Variants in KCNG3 observed in about 807,000 individuals in gnomAD.
The protein encoded by KCNG3 is potassium voltage-gated channel modifier subfamily G member 3.
KCNG3 carries 15 observed loss-of-function variants against 29.0 expected under a neutral mutation model. The observed-to-expected ratio is 0.52, with a 90% CI of 0.35 to 0.80. The LOEUF (loss-of-function observed/expected upper bound fraction) is 0.80, where lower values mean the gene tolerates loss of function less well. Among genes scored for constraint, KCNG3 ranks in the 30% least tolerant of loss-of-function variants. The pLI, the probability that KCNG3 is intolerant of heterozygous loss-of-function variation, is 0.01. For synonymous variants in KCNG3, 322 were observed against 248.9 expected (o/e 1.29, Z -2.76); for missense variants, 512 against 605.7 (o/e 0.85, Z 1.62).
chr2:42,422,427 C>G, the KCNG3 span, among the ~76,000 whole-genome samples: 1 of 152,134 alleles, frequency 6.6e-6, no homozygotes, highest in Non-Finnish European at 1.5e-5. Context: ...AGTGGTGAGG[C>G]AAATAAGCTT....
chr2:42,404,686 C>A, the KCNG3 span, among the ~76,000 whole-genome samples: 1 of 152,034 alleles, frequency 6.6e-6, no homozygotes, highest in Non-Finnish European at 1.5e-5. Flanking sequence ...TGAGATTGTG[C>A]CACTGCACTC....
chr2:42,465,820 G>C (rs1354011131), intron 1 of KCNG3, among the ~76,000 whole-genome samples: 1 of 152,030 alleles, frequency 6.6e-6, no homozygotes, highest in African/African-American at 2.4e-5. Context: ...AGGCTATGTG[G>C]ACAAACATTT....
chr2:42,487,850 G>A (rs1294777489), intron 1 of KCNG3, among the ~76,000 whole-genome samples: 3 of 152,130 alleles, frequency 2.0e-5, no homozygotes, highest in Non-Finnish European at 4.4e-5. Flanking sequence ...GACAAGAAAC[G>A]ACATAAATGT....
At chr2:42,419,136 C>T in the KCNG3 span, among the ~76,000 whole-genome samples, 4 of 148,472 alleles carry the variant, frequency 2.7e-5, no homozygotes, top group South Asian at 2.2e-4. Context: ...CTGTTCAGAC[C>T]GTGTAATGTT....
chr2:42,399,396 TAG>T, the KCNG3 span, among the ~76,000 whole-genome samples: 2 of 152,194 alleles, frequency 1.3e-5, no homozygotes, highest in African/African-American at 4.8e-5. Flanking sequence ...TTCTCTATTG[TAG>T]ATACTATTCC....
chr2:42,435,202 C>G, the KCNG3 span, among the ~76,000 whole-genome samples: 1 of 152,154 alleles, frequency 6.6e-6, no homozygotes, highest in South Asian at 2.1e-4. Context: ...ACTCAGGAGG[C>G]TGAGGCAGGA....
the KCNG3 span, among the ~76,000 whole-genome samples, chr2:42,411,800 C>T: frequency 2.6e-5 from 4 of 152,154 alleles, no homozygotes; most frequent in Non-Finnish European, 5.9e-5. Flanking sequence ...ATACATTTTT[C>T]ATTAAACTGA....
At chr2:42,441,554 A>C (rs1217138962), downstream of KCNG3, among the ~76,000 whole-genome samples, 1 of 151,916 alleles carries the variant, frequency 6.6e-6, no homozygotes, top group Non-Finnish European at 1.5e-5. Context: ...TCTCCTTATA[A>C]ATGGGTAGCT....
chr2:42,471,885 CA>C (rs59566876), intron 1 of KCNG3, among the ~76,000 whole-genome samples: 13,671 of 63,738 alleles, frequency 0.21, 589 homozygotes, highest in African/African-American at 0.31. Flanking sequence ...CCCTGTATCT[CA>C]AAAAAAAAAA....
the KCNG3 span, among the ~76,000 whole-genome samples, chr2:42,412,263 T>C: frequency 3.9e-5 from 6 of 152,232 alleles, no homozygotes; most frequent in African/African-American, 9.6e-5. Context: ...ATTTAATACA[T>C]ACTAGCTGCC....
intron 1 of KCNG3, among the ~76,000 whole-genome samples, chr2:42,486,509 C>T (rs1420329385): frequency 2.0e-5 from 3 of 152,230 alleles, no homozygotes; most frequent in Non-Finnish European, 4.4e-5. Flanking sequence ...CAAACTCCTT[C>T]CCATGGCACA....
the KCNG3 span, among the ~76,000 whole-genome samples, chr2:42,423,248 T>C: frequency 6.6e-6 from 1 of 152,216 alleles, no homozygotes; most frequent in African/African-American, 2.4e-5. Context: ...TTCCTCTTAC[T>C]TGAATGATGA....
At chr2:42,425,669 C>G in the KCNG3 span, among the ~76,000 whole-genome samples, 1 of 152,086 alleles carries the variant, frequency 6.6e-6, no homozygotes, top group African/African-American at 2.4e-5. Context: ...TACCCATCAT[C>G]ATGACCTGGA....
At chr2:42,403,745 G>A in the KCNG3 span, among the ~76,000 whole-genome samples, 2 of 150,990 alleles carry the variant, frequency 1.3e-5, no homozygotes, top group African/African-American at 2.4e-5. Flanking sequence ...GATTACAGGC[G>A]AGAGCCACCG....
chr2:42,431,598 C>T, the KCNG3 span, among the ~76,000 whole-genome samples: 2 of 152,110 alleles, frequency 1.3e-5, no homozygotes, highest in Non-Finnish European at 1.5e-5. Context: ...TAGTCAAAAC[C>T]GGGAAACTCG....
At chr2:42,430,363 AAAATAAATAAAT>A in the KCNG3 span, among the ~76,000 whole-genome samples, 585 of 140,114 alleles carry the variant, frequency 4.2e-3, 2 homozygotes, top group Middle Eastern at 0.011. Context: ...GACTGTCTTA[AAAATAAATAAAT>A]AAATAAATAA....
chr2:42,417,280 T>C, the KCNG3 span, among the ~76,000 whole-genome samples: 1 of 152,086 alleles, frequency 6.6e-6, no homozygotes. Context: ...ATTTAAAAAA[T>C]ATTTGCATTT....
chr2:42,420,815 A>C, the KCNG3 span, among the ~76,000 whole-genome samples: 1 of 151,986 alleles, frequency 6.6e-6, no homozygotes, highest in Admixed American at 6.6e-5. Context: ...GAAAAAAGAA[A>C]CCAACAGGGC....
chr2:42,418,121 T>C, the KCNG3 span, among the ~76,000 whole-genome samples: 1 of 152,106 alleles, frequency 6.6e-6, no homozygotes, highest in Non-Finnish European at 1.5e-5. Context: ...CCACTATCTA[T>C]TTCCATAACT....
Sources: gnomAD v4.1 joint callset for allele counts (sites outside exome capture counted in the v4.1 genomes callset) on GRCh38, gnomAD v4.1.1 for gene constraint, MANE v1.5 for transcripts, NCBI Gene and HGNC (gene_info 2026-07-23, HGNC 2026-07-21) for gene names.